The following CLN6 variants were observed in gnomAD, a reference collection of about 807,000 sequenced individuals.
CLN6 encodes the protein CLN6 transmembrane ER protein.
A neutral mutation model predicts 33.3 loss-of-function variants in CLN6; 22 were observed. The ratio of observed to expected loss-of-function variants is 0.66; its 90% CI spans 0.47 to 0.94. CLN6 has a LOEUF of 0.94. Ranked by LOEUF, CLN6 falls within the 40% of genes least tolerant of loss-of-function variation. The pLI is 0.00. For synonymous variants in CLN6, 201 were observed against 174.6 expected (o/e 1.15, Z -1.19); for missense variants, 387 against 417.1 (o/e 0.93, Z 0.63).
intron 1 of CLN6, among the ~76,000 whole-genome samples, chr15:68,240,439 A>C (rs1892270427): frequency 1.3e-5 from 2 of 151,922 alleles, no homozygotes; most frequent in Admixed American, 1.3e-4. Context: ...CTCTACTAAA[A>C]ATACAAAAAA....
chr15:68,230,364 T>C (rs1350235002), upstream of CLN6, among the ~76,000 whole-genome samples: 1 of 152,032 alleles, frequency 6.6e-6, no homozygotes, highest in Admixed American at 6.6e-5. The surrounding 1 kb of genome is among the most constrained non-coding windows in gnomAD (Gnocchi z 4.0). Flanking sequence ...CGCATTAAGC[T>C]TGAGGTGGGT....
Position 68,209,403 on chromosome 15 carries a change from G to A in CLN6, c.665+234C>T, listed in dbSNP as rs1420175127. Among the ~76,000 whole-genome samples, 1 of 152,110 alleles carries A rather than the reference G, an allele frequency of 6.6e-6. No homozygotes were observed. Among genetic ancestry groups the A allele is most frequent in the African/African-American group, 2.4e-5 (1 of 41,418 alleles). On this transcript the variant is annotated intron_variant, in intron 6 of 6. Transcript: ENST00000249806. This position sits in a 1 kb window ranked among gnomAD's most constrained non-coding sequence, Gnocchi z 4.9. ...GGGCTTGAGGATGGAGACAGACTGT[G>A]CAACCTCGCCCTCTCCTCCCACCTC...
chr15:68,218,993 G>C (rs1224852343), intron 1 of CLN6, among the ~76,000 whole-genome samples: 2 of 152,186 alleles, frequency 1.3e-5, no homozygotes, highest in African/African-American at 4.8e-5. Context: ...GATGGATCAT[G>C]GCAGCTGACC....
At chr15:68,254,773 G>C (rs1892416545) in intron 1 of CLN6, 1 of 845,382 alleles carries the variant, frequency 1.2e-6, no homozygotes, top group African/African-American at 1.7e-5. Context: ...CCCCTGCAAA[G>C]AAGGGAGAGA....
chr15:68,235,443 T>C (rs2141159569), intron 1 of CLN6, among the ~76,000 whole-genome samples: 1 of 152,076 alleles, frequency 6.6e-6, no homozygotes, highest in East Asian at 1.9e-4. Flanking sequence ...TGGAATTTAA[T>C]GACTTATTAG....
intron 3 of CLN6, chr15:68,212,205 CTGTCCCTGGCTG>C (rs1442301838): frequency 6.6e-6 from 2 of 302,276 alleles, no homozygotes; most frequent in African/African-American, 2.2e-5. Context: ...AGCCCTCCCA[CTGTCCCTGGCTG>C]TGTCCCTGGG....
In CLN6 at chr15:68,210,537, C is replaced by G. The variant is rs562184863; in HGVS notation, c.542+726G>C. Among the ~76,000 whole-genome samples the G allele has an allele frequency of 2.0e-5, 3 of 152,322 alleles. No individual in the cohort carries two copies. The highest frequency in any genetic ancestry group is 3.9e-4 in the East Asian group (2 of 5,164). Reference sequence around the variant, plus strand: ...GGTGCGTGTGCTGTGAGCACCAACTCAGGAGTGAGCCGGGTCCAGGGCTGG... The same window carrying G: ...GGTGCGTGTGCTGTGAGCACCAACTGAGGAGTGAGCCGGGTCCAGGGCTGG... On this transcript the variant is annotated intron_variant, in intron 5 of 6. Coordinates refer to ENST00000249806, the MANE Select transcript of CLN6 (RefSeq NM_017882.3). The surrounding 1 kb of genome is among the most constrained non-coding windows in gnomAD (Gnocchi z 5.6).
chr15:68,243,196 T>C (rs1892293803), intron 1 of CLN6, among the ~76,000 whole-genome samples: 1 of 152,212 alleles, frequency 6.6e-6, no homozygotes, highest in Non-Finnish European at 1.5e-5. Context: ...TGAAAAGGGT[T>C]TGTAAAACCC....
At chr15:68,214,219 TAGCATCACCTTCCTGCCAGGTGTGCAA>T in intron 3 of CLN6, 44 bp downstream of exon 3, 1 of 1,180,268 alleles carries the variant, frequency 8.5e-7, no homozygotes, top group Non-Finnish European at 1.3e-6. Flanking sequence ...ACACAGGGCT[TAGCATCACCTTCCTGCCAGGTGTGCAA>T]AGAATGGGGA....
intron 1 of CLN6, among the ~76,000 whole-genome samples, chr15:68,253,793 A>G (rs955375281): frequency 1.4e-5 from 2 of 142,500 alleles, no homozygotes; most frequent in Non-Finnish European, 3.1e-5. Context: ...CAAACAGCAT[A>G]AAGTCTAACT....
chr15:68,214,196 T>A, intron 3 of CLN6, 94 bp downstream of exon 3: 1 of 964,912 alleles, frequency 1.0e-6, no homozygotes. Context: ...GGCAGGAGCG[T>A]GCTTGAGTCA....
Position 68,211,704 on chromosome 15 carries a change from T to TG in CLN6, c.456dup (p.Ile153HisfsTer15). On this transcript the variant is annotated frameshift_variant, in exon 4 of 7. Transcript: ENST00000249806. LOFTEE classifies it high-confidence loss of function. This position sits in a 1 kb window ranked among gnomAD's most constrained non-coding sequence, Gnocchi z 5.9. ...GTCTCCGGCTTGAGATTCTTGATGA[T>TG]GGGGTTCTCACGGACAGACAGGTGG... The TG allele has an allele frequency of 6.2e-7, 1 of 1,613,718 alleles. No individual in the cohort carries two copies. Among genetic ancestry groups the TG allele is most frequent in the Non-Finnish European group, 8.5e-7 (1 of 1,179,960 alleles).
chr15:68,214,684 A>C, intron 2 of CLN6: 19 of 374,314 alleles, frequency 5.1e-5, no homozygotes, highest in East Asian at 1.9e-4. Flanking sequence ...TACCAAATAA[A>C]TGACCCTGAT....
Position 68,208,756 on chromosome 15 carries a change from C to A in CLN6, c.666-346G>T. On this transcript the variant is annotated intron_variant, in intron 6 of 6. Transcript: ENST00000249806. The surrounding 1 kb of genome is among the most constrained non-coding windows in gnomAD (Gnocchi z 5.8). ...AAACAATTGCCATTACGACGGCAGC[C>A]ACCCCCGCGGCAGGATGCCGGGGTA... Among the ~76,000 whole-genome samples, 1 of 152,246 alleles carries A rather than the reference C, an allele frequency of 6.6e-6. No homozygotes were observed. Among genetic ancestry groups the A allele is most frequent in the East Asian group, 1.9e-4 (1 of 5,196 alleles).
In CLN6 at chr15:68,207,989, C is replaced by T. The variant is rs866227581; in HGVS notation, c.*151G>A. ...CGCACACATATACAAGACACACACA[C>T]ACACACACACGAATCCACGCACACG... On this transcript the variant is annotated 3_prime_UTR_variant, in exon 7 of 7. Coordinates refer to ENST00000249806, the MANE Select transcript of CLN6 (RefSeq NM_017882.3). The T allele has an allele frequency of 2.5e-4, 187 of 747,540 alleles. 1 individual carries two copies. In the African/African-American group the frequency reaches 2.6e-3, roughly 10 times the overall value. The allele number at this position is 747,540 out of a possible 1,614,324, so 46.3% of individuals were successfully genotyped here.
At chr15:68,233,607 C>T (rs545708232), upstream of CLN6, among the ~76,000 whole-genome samples, 3 of 152,330 alleles carry the variant, frequency 2.0e-5, no homozygotes, top group East Asian at 3.9e-4. The surrounding 1 kb of genome is among the most constrained non-coding windows in gnomAD (Gnocchi z 4.3). Flanking sequence ...ACTGCCCTGC[C>T]ACCAGAAGGC....
intron 1 of CLN6, 112 bp from the exon 2 acceptor site, chr15:68,218,762 C>A: frequency 1.3e-6 from 1 of 754,284 alleles, no homozygotes. Flanking sequence ...AGGAGACACA[C>A]ATAATTGAGT....
intron 3 of CLN6, 92 bp downstream of exon 3, chr15:68,214,198 C>T (rs2093214069): frequency 1.0e-6 from 1 of 997,204 alleles, no homozygotes; most frequent in Non-Finnish European, 1.6e-6. Context: ...CAGGAGCGTG[C>T]TTGAGTCAGG....
At chr15:68,237,634 T>C (rs555853997) in intron 1 of CLN6, among the ~76,000 whole-genome samples, 1 of 152,140 alleles carries the variant, frequency 6.6e-6, no homozygotes, top group Non-Finnish European at 1.5e-5. Context: ...GCTAAGGAGA[T>C]GACAAACATG....
Sources: gnomAD v4.1 joint callset for allele counts (sites outside exome capture counted in the v4.1 genomes callset) on GRCh38, gnomAD v4.1.1 for gene constraint, Gnocchi (gnomAD v3.1) non-coding constraint, MANE v1.5 for transcripts, NCBI Gene and HGNC (gene_info 2026-07-23, HGNC 2026-07-21) for gene names.